CELSR3: variants seen among roughly 807,000 people sequenced by gnomAD.
CELSR3 encodes EGF-like protein 1.
A neutral mutation model predicts 270.0 loss-of-function variants in CELSR3; 73 were observed. The observed-to-expected ratio is 0.27, with a 90% CI of 0.22 to 0.33. The LOEUF (loss-of-function observed/expected upper bound fraction) is 0.33. CELSR3 is among the 10% of genes least tolerant of loss of function. CELSR3 has a pLI of 1.00. For synonymous variants in CELSR3, 1,780 were observed against 1,905.4 expected (o/e 0.93, Z 1.71); for missense variants, 3,614 against 4,533.8 (o/e 0.80, Z 5.83).
intron 20 of CELSR3, 56 bp downstream of exon 20, chr3:48,647,784 CT>C: frequency 6.4e-7 from 1 of 1,563,348 alleles, no homozygotes; most frequent in Non-Finnish European, 8.7e-7. Flanking sequence ...AACATAGTAT[CT>C]GGTTGGGGGG....
Position 48,659,089 on chromosome 3 carries a change from G to A in CELSR3, c.3546C>T (p.Asn1182=). 6.2e-7 allele frequency: 1 copy of A among 1,614,204 alleles called. No individual in the cohort carries two copies. Among genetic ancestry groups the A allele is most frequent in the Non-Finnish European group, 8.5e-7 (1 of 1,180,046 alleles). Reference sequence around the variant, plus strand: ...TGCCCGACGGGAAGGTGTCTGAACGGTTGGATACATAGTTGTTGAAGAGGA... The same window carrying A: ...TGCCCGACGGGAAGGTGTCTGAACGATTGGATACATAGTTGTTGAAGAGGA... ...FQILFNNYVS[N]RSDTFPSGII... The change falls in exon 1 of 35, where the codon AAC becomes AAT. Residue 1182 remains asparagine (N), a synonymous_variant. Transcript: ENST00000164024. This position sits in a 1 kb window ranked among gnomAD's most constrained non-coding sequence, Gnocchi z 8.1.
In CELSR3 at chr3:48,649,819, C is replaced by T. The variant is rs533688727; in HGVS notation, c.6473-604G>A. On this transcript the variant is annotated intron_variant, in intron 16 of 34. Transcript: ENST00000164024. ...TAACTTAATCACAGAATCCCCTCCC[C>T]GCAACAGGTTCACAGACACGTGCAC... Among the ~76,000 whole-genome samples the T allele has an allele frequency of 7.9e-5, 12 of 152,244 alleles. No homozygotes were observed. The South Asian group carries it at 1.5e-3, about 18-fold the overall frequency.
Position 48,660,887 on chromosome 3 carries a change from T to A in CELSR3, c.1748A>T (p.Asn583Ile), listed in dbSNP as rs894448147. 8.7e-6 allele frequency: 14 copies of A among 1,613,882 alleles called. No individual in the cohort carries two copies. The highest frequency in any genetic ancestry group is 9.3e-6 in the Non-Finnish European group (11 of 1,180,044). The change falls in exon 1 of 35, where the codon AAC (asparagine) becomes ATC (isoleucine). Residue 583 changes from asparagine to isoleucine, a missense_variant. Coordinates refer to ENST00000164024, the MANE Select transcript of CELSR3 (RefSeq NM_001407.3). This position sits in a 1 kb window ranked among gnomAD's most constrained non-coding sequence, Gnocchi z 5.5. ...TCCACGGCTATTGCCACTGATGATGTTGTAGTGCACCAATCCGTTGGCGTC... is the reference window on the plus strand; with the variant it reads ...TCCACGGCTATTGCCACTGATGATGATGTAGTGCACCAATCCGTTGGCGTC... ...DKDANGLVHY[N>I]IISGNSRGHF...
rs1410987122 is a variant in CELSR3 at position 48,661,624 on chromosome 3, A to C, written c.1011T>G (p.Asn337Lys). Residue 337 changes from asparagine to lysine, a missense_variant, in exon 1 of 35, where the codon AAT becomes AAG. Coordinates refer to ENST00000164024, the MANE Select transcript of CELSR3 (RefSeq NM_001407.3). ...QYNYQTLVPE[N>K]EAAGTAVLRV... Reference sequence around the variant, plus strand: ...GTAGCACCGCGGTGCCTGCTGCCTCATTCTCCGGCACCAGCGTCTGGTAGT... The same window carrying C: ...GTAGCACCGCGGTGCCTGCTGCCTCCTTCTCCGGCACCAGCGTCTGGTAGT... 6.2e-7 allele frequency: 1 copy of C among 1,605,406 alleles called. No homozygotes were observed. Among genetic ancestry groups the C allele is most frequent in the Non-Finnish European group, 8.5e-7 (1 of 1,176,146 alleles).
Position 48,641,671 on chromosome 3 carries a change from G to T in CELSR3, c.8825-147C>A, listed in dbSNP as rs2047027790. On this transcript the variant is annotated intron_variant, in intron 32 of 34. Coordinates refer to ENST00000164024, the MANE Select transcript of CELSR3 (RefSeq NM_001407.3). The surrounding 1 kb of genome is among the most constrained non-coding windows in gnomAD (Gnocchi z 4.8). The stretch of plus-strand genomic sequence containing the variant: ...ATCTCCTCAGAGATCAATGGGTGGG[G>T]GTGACTGGTGAGCTCCCTCCCCTTA... 1 of 808,040 alleles carries T rather than the reference G, an allele frequency of 1.2e-6. No individual in the cohort carries two copies. The highest frequency in any genetic ancestry group is 1.9e-6 in the Non-Finnish European group (1 of 521,648). The allele number at this position is 808,040 out of a possible 1,614,324, so 50.1% of individuals were successfully genotyped here. A position where few individuals can be genotyped will look rare whatever the true frequency, so the allele number is the denominator to read the frequency against.
rs1418662167 is a variant in CELSR3, at chr3:48,660,427, G to C, written c.2208C>G (p.Leu736=). The C allele has an allele frequency of 1.9e-6, 3 of 1,614,016 alleles. No homozygotes were observed. The African/African-American group carries it at 4.0e-5, about 22-fold the overall frequency. Residue 736 remains leucine, a synonymous_variant, in exon 1 of 35, where the codon CTC becomes CTG. Transcript: ENST00000164024. This position sits in a 1 kb window ranked among gnomAD's most constrained non-coding sequence, Gnocchi z 5.5. ...TCACGGTGACACTGGCTGAGGCAGA[G>C]AGTGGGGGTGAGCCATGGTCTCGAG... ...VEARDHGSPP[L]SASASVTVTV...
chr3:48,639,842 G>A lies in CELSR3; in HGVS notation c.9743C>T (p.Ser3248Phe). The A allele has an allele frequency of 6.2e-7, 1 of 1,613,886 alleles. No homozygotes were observed. Among genetic ancestry groups the A allele is most frequent in the Non-Finnish European group, 8.5e-7 (1 of 1,180,018 alleles). ...CGAGGAGTTGAAAGAGGCAAGGATG[G>A]AGGAAAGAATGTCCAACTGTTCTGT... ...PSTEQLDILS[S>F]ILASFNSSAL... is the part of the protein sequence containing the mutation. Residue 3248 changes from serine to phenylalanine, a missense_variant, in exon 34 of 35, where the codon TCC (serine) becomes TTC (phenylalanine). Around this residue, in one of 7 missense-constraint regions of CELSR3, gnomAD observed 1,240 missense variants for 1,351.7 expected, o/e 0.92. Coordinates refer to ENST00000164024, the MANE Select transcript of CELSR3 (RefSeq NM_001407.3). This position sits in a 1 kb window ranked among gnomAD's most constrained non-coding sequence, Gnocchi z 4.1.
Position 48,640,035 on chromosome 3 carries a change from G to C in CELSR3, c.9550C>G (p.Pro3184Ala). The change falls in exon 34 of 35, where the codon CCC becomes GCC. Residue 3184 changes from proline to alanine, a missense_variant. Around this residue, in one of 7 missense-constraint regions of CELSR3, gnomAD observed 1,240 missense variants for 1,351.7 expected, o/e 0.92. Transcript: ENST00000164024. The surrounding 1 kb of genome is among the most constrained non-coding windows in gnomAD (Gnocchi z 7.5). The part of the protein sequence containing the change: ...LSPQRQLSRD[P>A]LLPSRPLDSL... The stretch of plus-strand genomic sequence containing the variant: ...TCCAGCGGCCGGGATGGCAAGAGGG[G>C]GTCCCTTGAGAGTTGCCGCTGGGGA... The C allele has an allele frequency of 6.2e-7, 1 of 1,611,310 alleles. No individual in the cohort carries two copies. The highest frequency in any genetic ancestry group is 1.1e-5 in the South Asian group (1 of 91,064).
chr3:48,660,632 T>C lies in CELSR3; in HGVS notation c.2003A>G (p.His668Arg), dbSNP rs1447167073. 40 of 1,614,026 alleles carry C rather than the reference T, an allele frequency of 2.5e-5. No individual in the cohort carries two copies. The highest frequency in any genetic ancestry group is 3.3e-5 in the Non-Finnish European group (39 of 1,180,030). The stretch of plus-strand genomic sequence containing the variant: ...GACTGCCTGAATGTGGATGACTGAG[T>C]GACCCAAGGGAGCATTTTCCAAGAC... ...VSVLENAPLG[H>R]SVIHIQAVDA... The change falls in exon 1 of 35, where the codon CAC (histidine) becomes CGC (arginine). Residue 668 changes from histidine to arginine, a missense_variant. Around this residue, in one of 7 missense-constraint regions of CELSR3, gnomAD observed 354 missense variants for 500.9 expected, o/e 0.71. Coordinates refer to ENST00000164024, the MANE Select transcript of CELSR3 (RefSeq NM_001407.3). This position sits in a 1 kb window ranked among gnomAD's most constrained non-coding sequence, Gnocchi z 5.5.
chr3:48,638,447 TTTCTC>T (rs1267942042), intron 34 of CELSR3, among the ~76,000 whole-genome samples: 1 of 152,138 alleles, frequency 6.6e-6, no homozygotes, highest in Non-Finnish European at 1.5e-5. Context: ...GCCCAGGTGT[TTTCTC>T]TAAGTGCTTC....
chr3:48,638,319 C>G (rs1291635720), intron 34 of CELSR3, 87 bp from the exon 35 acceptor site: 2 of 976,732 alleles, frequency 2.0e-6, no homozygotes, highest in Non-Finnish European at 3.3e-6. Context: ...TTTGGCCTGG[C>G]TGCTTCCCTT....
Position 48,659,240 on chromosome 3 carries a change from T to C in CELSR3, c.3395A>G (p.Tyr1132Cys), listed in dbSNP as rs1195646999. The C allele has an allele frequency of 5.0e-6, 8 of 1,614,130 alleles. No individual in the cohort carries two copies. The highest frequency in any genetic ancestry group is 5.1e-6 in the Non-Finnish European group (6 of 1,180,006). ...AATCACATATTCTTGGCGAGCCTCATAGTCTAGGTCAATGAGTGCCGTCAG... is the reference window on the plus strand; with the variant it reads ...AATCACATATTCTTGGCGAGCCTCACAGTCTAGGTCAATGAGTGCCGTCAG... ...GELTALIDLD[Y>C]EARQEYVIVV... Residue 1132 changes from tyrosine (Y) to cysteine (C), a missense_variant, in exon 1 of 35, where the codon TAT (tyrosine) becomes TGT (cysteine). Physicochemically the swap from Tyr to Cys is radical, Grantham distance 194 (BLOSUM62 -2). This residue lies in a region of CELSR3 where 1,331 missense variants were observed against 1,933.7 expected (regional missense o/e 0.69). Transcript: ENST00000164024. This position sits in a 1 kb window ranked among gnomAD's most constrained non-coding sequence, Gnocchi z 8.1.
rs539127037 is a variant in CELSR3, at chr3:48,656,699, G to A, written c.4398C>T (p.Thr1466=). The change falls in exon 2 of 35, where the codon ACC becomes ACT. Residue 1466 remains threonine (T), a splice_region_variant and synonymous_variant. Transcript: ENST00000164024. ...GYTCVCRPRF[T]GEDCELDTEA... ...GCTCTGGCCCGGCGCCCTGCTCACC[G>A]GTGAAGCGCGGGCGGCAGACGCACG... 1.3e-6 allele frequency: 2 copies of A among 1,485,102 alleles called. No individual in the cohort carries two copies. The highest frequency in any genetic ancestry group is 1.8e-6 in the Non-Finnish European group (2 of 1,124,316). The allele number at this position is 1,485,102 out of a possible 1,614,324, so 92.0% of individuals were successfully genotyped here. A position where few individuals can be genotyped will look rare whatever the true frequency, so the allele number is the denominator to read the frequency against.
rs369300693 is a variant in CELSR3, at chr3:48,660,018, T to C, written c.2617A>G (p.Met873Val). The C allele has an allele frequency of 1.2e-6, 2 of 1,614,206 alleles. No homozygotes were observed. The highest frequency in any genetic ancestry group is 1.7e-6 in the Non-Finnish European group (2 of 1,180,044). Residue 873 changes from methionine (M) to valine (V), a missense_variant, in exon 1 of 35, where the codon ATG becomes GTG. Transcript: ENST00000164024. The surrounding 1 kb of genome is among the most constrained non-coding windows in gnomAD (Gnocchi z 5.5). ...CTGATGACCACTATGGTGCTACCCA[T>C]TGGCCGATCTTCATTCACACTCACT... ...YSVSVNEDRP[M>V]GSTIVVISAS...
At position 48,660,489 on chromosome 3, in the gene CELSR3, G is replaced by A. The variant is rs749104071; in HGVS notation, c.2146C>T (p.Arg716Cys). 8.7e-6 allele frequency: 14 copies of A among 1,613,986 alleles called. No homozygotes were observed. The highest frequency in any genetic ancestry group is 1.3e-5 in the African/African-American group (1 of 74,894). ...AAGAAGTAATGCTCCACAGACTCAC[G>A]GTCCAGGGGACCACTCACAGAGACC... ...GWVSVSGPLD[R>C]ESVEHYFFGV... Residue 716 changes from arginine to cysteine, a missense_variant, in exon 1 of 35, where the codon CGT (arginine) becomes TGT (cysteine). By Grantham distance (180) the Arg-to-Cys change is radical. Around this residue, in one of 7 missense-constraint regions of CELSR3, gnomAD observed 215 missense variants for 241.2 expected, o/e 0.89. Transcript: ENST00000164024. The surrounding 1 kb of genome is among the most constrained non-coding windows in gnomAD (Gnocchi z 5.5).
chr3:48,653,994 G>A lies in CELSR3; in HGVS notation c.5162C>T (p.Ala1721Val). 1 of 1,612,956 alleles carries A rather than the reference G, an allele frequency of 6.2e-7. No individual in the cohort carries two copies. Among genetic ancestry groups the A allele is most frequent in the Non-Finnish European group, 8.5e-7 (1 of 1,179,614 alleles). ...GCCTGAGTCACAAAAGTGTAGCTTG[G>A]CTTGGCAGCCTGGGAGAGGAAAGCA... ...ANNGTMAGCQ[A>V]KLHFCDSGPC... Residue 1721 changes from alanine (A) to valine (V), a missense_variant, in exon 8 of 35, where the codon GCC (alanine) becomes GTC (valine). By Grantham distance (64) the Ala-to-Val change is moderately conservative. Around this residue, in one of 7 missense-constraint regions of CELSR3, gnomAD observed 1,331 missense variants for 1,933.7 expected, o/e 0.69. Transcript: ENST00000164024. This position sits in a 1 kb window ranked among gnomAD's most constrained non-coding sequence, Gnocchi z 6.5.
Position 48,648,282 on chromosome 3 carries a change from C to T in CELSR3, c.6957G>A (p.Leu2319=), listed in dbSNP as rs749184097. The T allele has an allele frequency of 6.2e-7, 1 of 1,609,406 alleles. No homozygotes were observed. The highest frequency in any genetic ancestry group is 1.7e-5 in the Admixed American group (1 of 59,914). ...MELTYLNPMG[L]VTPNIMLSID... ...ACAACGCACTGATATTAGGCGTCAC[C>T]AGCCCCATGGGATTCAGGTATGTGA... The change falls in exon 19 of 35, where the codon CTG becomes CTA. Residue 2319 remains leucine (L), a synonymous_variant. Transcript: ENST00000164024.
In CELSR3 at chr3:48,646,858, C is replaced by T; in HGVS notation, c.7200G>A (p.Glu2400=). 1 of 1,596,336 alleles carries T rather than the reference C, an allele frequency of 6.3e-7. No homozygotes were observed. The highest frequency in any genetic ancestry group is 8.5e-7 in the Non-Finnish European group (1 of 1,173,766). Residue 2400 remains glutamate, a synonymous_variant, in exon 21 of 35, where the codon GAG becomes GAA. Coordinates refer to ENST00000164024, the MANE Select transcript of CELSR3 (RefSeq NM_001407.3). This position sits in a 1 kb window ranked among gnomAD's most constrained non-coding sequence, Gnocchi z 4.8. ...SSVVPPPAPP[E]PEPGISIIIL... ...TGATAATGGAGATCCCAGGCTCTGG[C>T]TCTGGCGGGGCTGGTGGGGGGACCA... is the stretch of plus-strand genomic sequence containing the variant.
rs560029504 is a variant in CELSR3, at chr3:48,640,403, T to C, written c.9182A>G (p.Gln3061Arg). 1 of 1,612,500 alleles carries C rather than the reference T, an allele frequency of 6.2e-7. No homozygotes were observed. The highest frequency in any genetic ancestry group is 1.1e-5 in the South Asian group (1 of 91,076). Reference protein sequence around the residue: ...YAGGGTGSLSQPASRYSSREQ... With the variant: ...YAGGGTGSLSRPASRYSSREQ... ...TCTAGAAGAGTAGCGGCTGGCTGGC[T>C]GTGAAAGGCTGCCCGTGCCCCCGCC... The change falls in exon 34 of 35, where the codon CAG becomes CGG. Residue 3061 changes from glutamine to arginine, a missense_variant. Gln to Arg is a conservative substitution (Grantham distance 43). This residue lies in a region of CELSR3 where 1,240 missense variants were observed against 1,351.7 expected (regional missense o/e 0.92). Coordinates refer to ENST00000164024, the MANE Select transcript of CELSR3 (RefSeq NM_001407.3). This position sits in a 1 kb window ranked among gnomAD's most constrained non-coding sequence, Gnocchi z 7.5.
Sources: gnomAD v4.1 joint callset for allele counts (sites outside exome capture counted in the v4.1 genomes callset) on GRCh38, gnomAD v4.1.1 for gene constraint, gnomAD v4.1.1 regional missense constraint, Gnocchi (gnomAD v3.1) non-coding constraint, MANE v1.5 for transcripts, NCBI Gene and HGNC (gene_info 2026-07-23, HGNC 2026-07-21) for gene names.